The following GABRB1 variants were observed in gnomAD, a reference collection of about 807,000 sequenced individuals.
The protein encoded by GABRB1 is gamma-aminobutyric acid type A receptor subunit beta1, also known as gamma-aminobutyric acid receptor subunit beta-1.
In GABRB1, 17 loss-of-function variants were observed where a neutral mutation model predicts 51.6. The observed-to-expected ratio is 0.33, with a 90% confidence interval of 0.23 to 0.49. GABRB1 has a LOEUF of 0.49. Among genes scored for constraint, GABRB1 ranks in the 20% least tolerant of loss-of-function variants. The pLI is 0.99. For missense variants in GABRB1, 410 were observed against 600.6 expected (o/e 0.68, Z 3.32); for synonymous variants, 247 against 218.9 (o/e 1.13, Z -1.14).
intron 1 of GABRB1, among the ~76,000 whole-genome samples, chr4:47,022,935 A>G (rs1001193448): frequency 2.6e-5 from 4 of 152,134 alleles, no homozygotes; most frequent in African/African-American, 9.7e-5. Context: ...GAGTCCATGA[A>G]CAGATGAATG....
chr4:47,178,856 A>G (rs1253704152), intron 4 of GABRB1, among the ~76,000 whole-genome samples: 1 of 152,156 alleles, frequency 6.6e-6, no homozygotes, highest in Non-Finnish European at 1.5e-5. Context: ...AAAATACAGT[A>G]TAATGAGTCG....
intron 3 of GABRB1, among the ~76,000 whole-genome samples, chr4:47,070,402 C>T (rs1727282016): frequency 6.6e-6 from 1 of 151,172 alleles, no homozygotes; most frequent in Admixed American, 6.6e-5. Context: ...TGTGGTCTCA[C>T]CTGACTGCAA....
At chr4:47,019,929 T>TATACGTATATGTATATGTATACGTATAC (rs1560498408) in intron 1 of GABRB1, among the ~76,000 whole-genome samples, 3 of 143,270 alleles carry the variant, frequency 2.1e-5, no homozygotes, top group African/African-American at 5.2e-5. Flanking sequence ...TATACGTATA[T>TATACGTATATGTATATGTATACGTATAC]GTATACGTAT....
chr4:47,377,213 C>T (rs1484022357), intron 5 of GABRB1, among the ~76,000 whole-genome samples: 2 of 152,040 alleles, frequency 1.3e-5, no homozygotes, highest in Admixed American at 1.3e-4. Context: ...GCACAATATC[C>T]GCTCACTGCA....
In GABRB1 at chr4:47,290,763, G is replaced by A. The variant is rs373548039; in HGVS notation, c.462-29364G>A. Among the ~76,000 whole-genome samples, 23 of 152,208 alleles carry A rather than the reference G, an allele frequency of 1.5e-4. No homozygotes were observed. The South Asian group carries it at 2.1e-3, about 14-fold the overall frequency. On this transcript the variant is annotated intron_variant, in intron 4 of 8. Coordinates refer to ENST00000295454, the MANE Select transcript of GABRB1 (RefSeq NM_000812.4). ...GCATTTTGCCCCTGCCCTAGAGATC[G>A]GTGGAACTGTGAACTCCAGCAAAAT...
chr4:47,004,907 C>T (rs1724340512), intron 1 of GABRB1, among the ~76,000 whole-genome samples: 1 of 152,112 alleles, frequency 6.6e-6, no homozygotes, highest in African/African-American at 2.4e-5. Flanking sequence ...TGTGTTTCCT[C>T]GAAGGTCAAT....
intron 4 of GABRB1, among the ~76,000 whole-genome samples, chr4:47,232,897 C>T (rs534704131): frequency 6.2e-5 from 9 of 144,078 alleles, no homozygotes; most frequent in East Asian, 6.0e-4. Context: ...TTTTTTGAGG[C>T]GTAGTCTCAC....
intron 7 of GABRB1, among the ~76,000 whole-genome samples, chr4:47,404,557 A>G (rs1480841838): frequency 6.6e-6 from 1 of 151,042 alleles, no homozygotes; most frequent in Non-Finnish European, 1.5e-5. Context: ...AACATATTTC[A>G]TCTCTTCACT....
At chr4:47,365,726 G>A (rs116635699) in intron 5 of GABRB1, among the ~76,000 whole-genome samples, 1,559 of 152,146 alleles carry the variant, frequency 0.01, 18 homozygotes, top group South Asian at 0.023. Context: ...CCTGTATTTC[G>A]CTCATCGCCA....
intron 4 of GABRB1, among the ~76,000 whole-genome samples, chr4:47,174,989 T>C (rs1577974073): frequency 7.0e-6 from 1 of 142,076 alleles, no homozygotes; most frequent in African/African-American, 2.6e-5. Context: ...CATTCCTTCC[T>C]TCCTCCCTTC....
In GABRB1 at chr4:47,312,725, C is replaced by G. The variant is rs117898695; in HGVS notation, c.462-7402C>G. Among the ~76,000 whole-genome samples, 241 of 152,256 alleles carry G rather than the reference C, an allele frequency of 1.6e-3. 8 individuals are homozygous for G. The East Asian group carries it at 0.04, about 26-fold the overall frequency. ...TGTTATACAGAGATGGGGTTTAAAA[C>G]TTGGGAGTTCTTCCTGATAAAATTC... On this transcript the variant is annotated intron_variant, in intron 4 of 8. Coordinates refer to ENST00000295454, the MANE Select transcript of GABRB1 (RefSeq NM_000812.4).
intron 5 of GABRB1, among the ~76,000 whole-genome samples, chr4:47,342,351 T>C (rs1023571882): frequency 6.6e-6 from 1 of 152,164 alleles, no homozygotes; most frequent in Non-Finnish European, 1.5e-5. Context: ...CAGGGATTTA[T>C]TTTTAATACT....
intron 4 of GABRB1, among the ~76,000 whole-genome samples, chr4:47,209,042 A>G (rs1720248843): frequency 6.6e-6 from 1 of 152,152 alleles, no homozygotes. Flanking sequence ...GTTATAAAGT[A>G]TAACATGATG....
At chr4:47,241,887 A>C (rs188655331) in intron 4 of GABRB1, among the ~76,000 whole-genome samples, 35 of 151,644 alleles carry the variant, frequency 2.3e-4, no homozygotes, top group South Asian at 4.2e-4. Context: ...TTTATTTTTT[A>C]TTTTTATTTT....
intron 5 of GABRB1, among the ~76,000 whole-genome samples, chr4:47,361,696 G>A (rs1726812299): frequency 6.6e-6 from 1 of 152,150 alleles, no homozygotes; most frequent in Admixed American, 6.6e-5. Context: ...AGAAATTCCA[G>A]TGTTAAAATA....
chr4:47,388,254 T>G (rs1447091724), intron 5 of GABRB1, among the ~76,000 whole-genome samples: 1 of 152,246 alleles, frequency 6.6e-6, no homozygotes, highest in Admixed American at 6.5e-5. Context: ...ATATAATGCC[T>G]GGAGTCTAAA....
At chr4:47,215,281 TGCTATTGA>T (rs1469332799) in intron 4 of GABRB1, among the ~76,000 whole-genome samples, 1 of 152,162 alleles carries the variant, frequency 6.6e-6, no homozygotes, top group Non-Finnish European at 1.5e-5. Flanking sequence ...TGGTTTATAT[TGCTATTGA>T]AAATGAAGTC....
intron 4 of GABRB1, among the ~76,000 whole-genome samples, chr4:47,310,857 C>G (rs985887194): frequency 6.6e-6 from 1 of 151,976 alleles, no homozygotes; most frequent in Non-Finnish European, 1.5e-5. Context: ...AGGGGCTTTG[C>G]AGATGTAACT....
intron 5 of GABRB1, among the ~76,000 whole-genome samples, chr4:47,366,736 G>A (rs1726998243): frequency 1.3e-5 from 2 of 152,134 alleles, no homozygotes; most frequent in Admixed American, 6.5e-5. Context: ...ACTTTTTCAT[G>A]AGATGACATT....
Sources: gnomAD v4.1 joint callset for allele counts (sites outside exome capture counted in the v4.1 genomes callset) on GRCh38, gnomAD v4.1.1 for gene constraint, MANE v1.5 for transcripts, NCBI Gene and HGNC (gene_info 2026-07-23, HGNC 2026-07-21) for gene names.